Variants in NAV2 observed in about 807,000 individuals in gnomAD.
NAV2 encodes helicase, APC down-regulated 1.
A neutral mutation model predicts 223.2 loss-of-function variants in NAV2; 54 were observed. The observed-to-expected ratio is 0.24, with a 90% CI of 0.19 to 0.30. NAV2 has a LOEUF of 0.30. NAV2 is among the 10% of genes least tolerant of loss of function. The pLI is 1.00. For missense variants in NAV2, 2,806 were observed against 3,147.5 expected, an observed-to-expected ratio of 0.89 and a Z score of 2.60; for synonymous variants, 1,279 against 1,239.3, an observed-to-expected ratio of 1.03 and a Z score of -0.67.
chr11:19,761,959 C>A (rs1240512383), intron 1 of NAV2, among the ~76,000 whole-genome samples: 1 of 152,232 alleles, frequency 6.6e-6, no homozygotes, highest in Admixed American at 6.5e-5. Context: ...AACCTCAAAT[C>A]TGGCTGGGTG....
chr11:19,800,695 G>GTA (rs2058197823), intron 1 of NAV2, among the ~76,000 whole-genome samples: 1 of 151,866 alleles, frequency 6.6e-6, no homozygotes. Context: ...GTGTGTGTGT[G>GTA]TGTGTGTGTG....
At chr11:19,966,885 A>T (rs906467476) in intron 10 of NAV2, among the ~76,000 whole-genome samples, 5 of 152,196 alleles carry the variant, frequency 3.3e-5, no homozygotes, top group Non-Finnish European at 5.9e-5. Context: ...TTCTTCTACC[A>T]GACCTGTTGT....
chr11:20,010,690 G>A (rs1250772609), intron 11 of NAV2, among the ~76,000 whole-genome samples: 1 of 152,052 alleles, frequency 6.6e-6, no homozygotes, highest in East Asian at 1.9e-4. Context: ...TCTACCACCG[G>A]GTGATCTGGG....
At chr11:19,881,243 C>T (rs761576396) in intron 5 of NAV2, among the ~76,000 whole-genome samples, 72 of 152,208 alleles carry the variant, frequency 4.7e-4, no homozygotes, top group Middle Eastern at 6.8e-3. Context: ...AAATCAGGTC[C>T]CATAATTAAT....
chr11:19,814,084 T>C (rs2058970151), intron 1 of NAV2, among the ~76,000 whole-genome samples: 2 of 152,150 alleles, frequency 1.3e-5, no homozygotes, highest in Non-Finnish European at 2.9e-5. Context: ...GGTGGTGTAT[T>C]TTTAGAGCAG....
chr11:19,752,775 T>C (rs570717876), intron 1 of NAV2, among the ~76,000 whole-genome samples: 19 of 152,272 alleles, frequency 1.2e-4, no homozygotes, highest in Admixed American at 1.2e-3. Context: ...GGATTTCTCA[T>C]TGGTAAGTAT....
chr11:19,901,809 C>G (rs899544800), intron 6 of NAV2, among the ~76,000 whole-genome samples: 1 of 152,174 alleles, frequency 6.6e-6, no homozygotes, highest in Admixed American at 6.5e-5. Context: ...GCCTCACTAA[C>G]CTTTAGCAAA....
At chr11:19,458,323 T>A (rs1434045330) in intron 1 of NAV2, among the ~76,000 whole-genome samples, 1 of 152,196 alleles carries the variant, frequency 6.6e-6, no homozygotes, top group African/African-American at 2.4e-5. Context: ...TTCCCACAGA[T>A]GTCTGGTCAA....
At chr11:20,047,783 G>A (rs1042354804) in intron 14 of NAV2, among the ~76,000 whole-genome samples, 17 of 152,260 alleles carry the variant, frequency 1.1e-4, no homozygotes, top group Admixed American at 2.0e-4. Context: ...AAACTGTCAC[G>A]ACTTTGAGCA....
intron 1 of NAV2, among the ~76,000 whole-genome samples, chr11:19,693,283 G>A (rs1056735893): frequency 6.6e-6 from 1 of 152,216 alleles, no homozygotes; most frequent in Non-Finnish European, 1.5e-5. Context: ...CCGATGGCTT[G>A]TTTGTAACAT....
At chr11:19,431,739 CT>C (rs1380176215) in intron 1 of NAV2, among the ~76,000 whole-genome samples, 1 of 152,188 alleles carries the variant, frequency 6.6e-6, no homozygotes, top group Non-Finnish European at 1.5e-5. Context: ...CTGGGACCTT[CT>C]GTAGAGTCTA....
intron 1 of NAV2, among the ~76,000 whole-genome samples, chr11:19,820,305 T>C (rs1484535976): frequency 6.6e-6 from 1 of 152,224 alleles, no homozygotes; most frequent in Non-Finnish European, 1.5e-5. Context: ...AGGAAGCACT[T>C]GGAAGGAGAA....
intron 3 of NAV2, among the ~76,000 whole-genome samples, chr11:19,843,200 A>T (rs569634375): frequency 2.6e-5 from 4 of 152,336 alleles, no homozygotes; most frequent in Admixed American, 2.0e-4. Context: ...GTACAAACAT[A>T]TACATGTTTA....
At chr11:20,075,363 A>G (rs1361425082) in intron 22 of NAV2, among the ~76,000 whole-genome samples, 1 of 152,010 alleles carries the variant, frequency 6.6e-6, no homozygotes, top group Non-Finnish European at 1.5e-5. Context: ...AGCTGGGACT[A>G]CAGGTGCCCA....
intron 17 of NAV2, among the ~76,000 whole-genome samples, chr11:20,052,897 A>G (rs1436134777): frequency 6.6e-6 from 1 of 152,086 alleles, no homozygotes; most frequent in African/African-American, 2.4e-5. Context: ...AAGTCCGAGG[A>G]TACCCTGGCC....
intron 23 of NAV2, 48 bp downstream of exon 23, chr11:20,077,683 A>G (rs751457900): frequency 5.7e-6 from 8 of 1,395,038 alleles, no homozygotes; most frequent in South Asian, 3.5e-5. Flanking sequence ...AGTTAACAAC[A>G]AACTTGAAAA....
intron 22 of NAV2, among the ~76,000 whole-genome samples, chr11:20,076,828 A>C (rs922188155): frequency 3.9e-5 from 6 of 152,208 alleles, no homozygotes; most frequent in African/African-American, 1.4e-4. Flanking sequence ...CATTTAAAAA[A>C]TTCTTAGAAA....
At chr11:20,028,762 A>G (rs893580042) in intron 11 of NAV2, among the ~76,000 whole-genome samples, 1 of 152,140 alleles carries the variant, frequency 6.6e-6, no homozygotes, top group Non-Finnish European at 1.5e-5. Flanking sequence ...TGCCTGGCAT[A>G]TTTGGTAACG....
chr11:20,007,970 A>C (rs2053226259), intron 11 of NAV2, among the ~76,000 whole-genome samples: 1 of 152,232 alleles, frequency 6.6e-6, no homozygotes, highest in African/African-American at 2.4e-5. Flanking sequence ...ATCATACTTT[A>C]CCCCTTGTAG....
Sources: gnomAD v4.1 joint callset for allele counts (sites outside exome capture counted in the v4.1 genomes callset) on GRCh38, gnomAD v4.1.1 for gene constraint, MANE v1.5 for transcripts, NCBI Gene and HGNC (gene_info 2026-07-23, HGNC 2026-07-21) for gene names.